The following NCKAP5 variants were observed in gnomAD, a reference collection of about 807,000 sequenced individuals.
NCKAP5 encodes the protein nck-associated protein 5.
A neutral mutation model predicts 167.0 loss-of-function variants in NCKAP5; 92 were observed. The ratio of observed to expected loss-of-function variants is 0.55; its 90% CI spans 0.47 to 0.66. The LOEUF is 0.66. Ranked by LOEUF, NCKAP5 falls within the 30% of genes least tolerant of loss-of-function variation. The pLI is 0.00. For missense variants in NCKAP5, 2,378 were observed against 2,315.0 expected (o/e 1.03, Z -0.56); for synonymous variants, 891 against 877.4 (o/e 1.02, Z -0.27).
intron 2 of NCKAP5, among the ~76,000 whole-genome samples, chr2:133,534,488 C>A (rs549207591): frequency 6.6e-6 from 1 of 150,526 alleles, no homozygotes; most frequent in East Asian, 1.9e-4. Context: ...CAGTGCTTCT[C>A]CATCCCCTAC....
intron 3 of NCKAP5, among the ~76,000 whole-genome samples, chr2:133,397,626 T>C (rs1273499829): frequency 2.0e-5 from 3 of 152,214 alleles, no homozygotes; most frequent in Admixed American, 6.5e-5. Context: ...TAAAGTGCTC[T>C]GGGGCTGCTG....
intron 3 of NCKAP5, among the ~76,000 whole-genome samples, chr2:133,478,004 G>C (rs1680085269): frequency 6.6e-6 from 1 of 152,208 alleles, no homozygotes; most frequent in Non-Finnish European, 1.5e-5. Context: ...GGGGACTGCT[G>C]TGCTGAGATT....
chr2:133,004,420 G>T (rs1192736881), intron 6 of NCKAP5, among the ~76,000 whole-genome samples: 4 of 152,146 alleles, frequency 2.6e-5, no homozygotes, highest in African/African-American at 9.7e-5. Flanking sequence ...AGAGTACAAA[G>T]AGAGAAATTT....
At chr2:133,436,477 G>A (rs1690487694) in intron 3 of NCKAP5, among the ~76,000 whole-genome samples, 1 of 152,146 alleles carries the variant, frequency 6.6e-6, no homozygotes, top group Admixed American at 6.5e-5. Context: ...TGTCCACTCT[G>A]CCTAAACCCT....
intron 5 of NCKAP5, among the ~76,000 whole-genome samples, chr2:133,160,774 T>G (rs2083764704): frequency 6.6e-6 from 1 of 152,120 alleles, no homozygotes; most frequent in Admixed American, 6.5e-5. Flanking sequence ...CATACCCAGT[T>G]CTGAGGATTA....
the NCKAP5 span, among the ~76,000 whole-genome samples, chr2:133,636,065 T>C: frequency 4.6e-5 from 7 of 152,206 alleles, no homozygotes; most frequent in African/African-American, 9.6e-5. Context: ...CAGAGCTTGA[T>C]AGCTGAGGAG....
At chr2:133,213,111 T>C (rs1209703442) in intron 5 of NCKAP5, among the ~76,000 whole-genome samples, 4 of 152,188 alleles carry the variant, frequency 2.6e-5, no homozygotes, top group African/African-American at 9.6e-5. Context: ...CAGTCATCTC[T>C]GATGTTATAA....
At chr2:133,227,937 G>A (rs892177809) in intron 4 of NCKAP5, among the ~76,000 whole-genome samples, 6 of 152,192 alleles carry the variant, frequency 3.9e-5, no homozygotes, top group African/African-American at 1.4e-4. Flanking sequence ...GCAAGAGCTG[G>A]GTAAGCAGCA....
At chr2:133,324,459 G>A (rs894989830) in intron 3 of NCKAP5, among the ~76,000 whole-genome samples, 8 of 152,190 alleles carry the variant, frequency 5.3e-5, no homozygotes, top group Non-Finnish European at 8.8e-5. Context: ...CAGAATAGCC[G>A]GAAAGACTTT....
At position 133,383,905 on chromosome 2, in the gene NCKAP5, T is replaced by C. The variant is rs538810654; in HGVS notation, c.70-80795A>G. Among the ~76,000 whole-genome samples the C allele has an allele frequency of 7.9e-3, 1,206 of 152,290 alleles. 11 individuals are homozygous for C. The highest frequency in any genetic ancestry group is 0.013 in the Non-Finnish European group (857 of 68,006). ...TTCATATCCTTCGCCCACTTTTTGA[T>C]GGGGTTGTTTTTTTCTTGTAAATTT... is the stretch of plus-strand genomic sequence containing the variant. On this transcript the variant is annotated intron_variant, in intron 3 of 19. Coordinates refer to ENST00000409261, the MANE Select transcript of NCKAP5 (RefSeq NM_207363.3).
chr2:133,092,896 A>G (rs955587642), intron 6 of NCKAP5, among the ~76,000 whole-genome samples: 2 of 152,226 alleles, frequency 1.3e-5, no homozygotes, highest in African/African-American at 4.8e-5. Flanking sequence ...CAATTGTAGA[A>G]AAAGACTGCA....
chr2:133,310,897 T>C (rs1431177516), intron 3 of NCKAP5, among the ~76,000 whole-genome samples: 3 of 152,214 alleles, frequency 2.0e-5, no homozygotes, highest in Non-Finnish European at 4.4e-5. Flanking sequence ...TAGGCAGTCA[T>C]GACAAGATGG....
chr2:133,484,974 A>C (rs1397669368), intron 3 of NCKAP5, among the ~76,000 whole-genome samples: 1 of 152,204 alleles, frequency 6.6e-6, no homozygotes, highest in Admixed American at 6.5e-5. Flanking sequence ...CTAATCATTA[A>C]TATTTTTGTG....
chr2:133,440,872 C>A (rs1690804841), intron 3 of NCKAP5, among the ~76,000 whole-genome samples: 1 of 152,012 alleles, frequency 6.6e-6, no homozygotes, highest in Admixed American at 6.6e-5. Flanking sequence ...ACATATAAAT[C>A]CCCTTTGAGC....
chr2:132,762,618 C>T (rs1296377294), intron 16 of NCKAP5, among the ~76,000 whole-genome samples: 1 of 152,162 alleles, frequency 6.6e-6, no homozygotes, highest in African/African-American at 2.4e-5. Context: ...ATTCACGCCA[C>T]CTCGTAGGGC....
the NCKAP5 span, among the ~76,000 whole-genome samples, chr2:133,627,591 C>T: frequency 1.8e-4 from 27 of 152,108 alleles, no homozygotes; most frequent in African/African-American, 6.3e-4. Context: ...CTGGACAGCA[C>T]GGCGAAACCC....
chr2:133,075,057 C>T lies in NCKAP5; in HGVS notation c.341+54921G>A, dbSNP rs146421801. Among the ~76,000 whole-genome samples, 483 of 152,074 alleles carry T rather than the reference C, an allele frequency of 3.2e-3. 1 individual carries two copies. Among genetic ancestry groups the T allele is most frequent in the African/African-American group, 0.011 (449 of 41,504 alleles). On this transcript the variant is annotated intron_variant, in intron 6 of 19. Transcript: ENST00000409261. ...AATTAAGAAGAACCATATGTAGATA[C>T]ATCATAATAAAATGGTTGAAAACCA...
intron 8 of NCKAP5, among the ~76,000 whole-genome samples, chr2:132,951,436 G>A (rs563958547): frequency 1.3e-5 from 2 of 152,222 alleles, no homozygotes; most frequent in Non-Finnish European, 2.9e-5. Context: ...GACAGCTGGT[G>A]TTTATAATCT....
chr2:133,127,324 T>G (rs760238061), intron 6 of NCKAP5, among the ~76,000 whole-genome samples: 13 of 152,222 alleles, frequency 8.5e-5, no homozygotes, highest in Non-Finnish European at 1.8e-4. Flanking sequence ...TAATTATCTG[T>G]TACATATGCT....
Sources: allele counts gnomAD v4.1 joint callset (sites outside exome capture counted in the v4.1 genomes callset), GRCh38; gene constraint gnomAD v4.1.1; transcripts MANE v1.5; gene names NCBI Gene and HGNC (gene_info 2026-07-23, HGNC 2026-07-21).